Variants in PDGFD observed in about 807,000 individuals in gnomAD.
PDGFD encodes platelet derived growth factor D, also known as platelet-derived growth factor D.
PDGFD carries 30 observed loss-of-function variants against 44.7 expected under a neutral mutation model. The observed-to-expected ratio is 0.67, with a 90% confidence interval of 0.50 to 0.91. PDGFD has a LOEUF of 0.91. Ranked by LOEUF, PDGFD falls within the 40% of genes least tolerant of loss-of-function variation. The pLI, the probability that PDGFD is intolerant of heterozygous loss-of-function variation, is 0.00. For missense variants in PDGFD, 445 were observed against 457.8 expected (o/e 0.97, Z 0.25); for synonymous variants, 173 against 168.4 (o/e 1.03, Z -0.21).
chr11:103,918,107 G>T (rs1365064713), intron 6 of PDGFD, among the ~76,000 whole-genome samples: 1 of 152,204 alleles, frequency 6.6e-6, no homozygotes, highest in Non-Finnish European at 1.5e-5. Flanking sequence ...TCAGTACAAA[G>T]TTGGCAGGGG....
chr11:104,031,039 T>C (rs1377718707), intron 1 of PDGFD, among the ~76,000 whole-genome samples: 1 of 152,144 alleles, frequency 6.6e-6, no homozygotes, highest in Admixed American at 6.5e-5. Context: ...ATCAAAACCC[T>C]AGAAGAAAAT....
chr11:104,004,043 A>G (rs979532314), intron 1 of PDGFD, among the ~76,000 whole-genome samples: 1 of 152,250 alleles, frequency 6.6e-6, no homozygotes, highest in African/African-American at 2.4e-5. Flanking sequence ...AACAAAGTCA[A>G]TGATATCCTT....
intron 1 of PDGFD, among the ~76,000 whole-genome samples, chr11:104,101,121 G>T (rs56893568): frequency 1.3e-5 from 2 of 152,080 alleles, no homozygotes; most frequent in South Asian, 2.1e-4. Context: ...GCAGGAGAAG[G>T]AAATAAAGGG....
intron 3 of PDGFD, among the ~76,000 whole-genome samples, chr11:103,972,570 C>G (rs1213051277): frequency 6.6e-6 from 1 of 152,132 alleles, no homozygotes; most frequent in Admixed American, 6.5e-5. Context: ...GATTTTGAAG[C>G]TCAGTTTTGT....
chr11:104,113,638 C>A (rs983066980), intron 1 of PDGFD, among the ~76,000 whole-genome samples: 12 of 151,146 alleles, frequency 7.9e-5, no homozygotes. Flanking sequence ...AGAGTAAATA[C>A]CACTGAGCAG....
At chr11:104,077,843 A>AAAAC (rs1860986973) in intron 1 of PDGFD, among the ~76,000 whole-genome samples, 2 of 152,190 alleles carry the variant, frequency 1.3e-5, no homozygotes, top group Non-Finnish European at 2.9e-5. Context: ...CAGATTCTCC[A>AAAAC]ACAATAGTTT....
At chr11:103,974,306 G>A (rs1393247416) in intron 3 of PDGFD, among the ~76,000 whole-genome samples, 2 of 152,040 alleles carry the variant, frequency 1.3e-5, no homozygotes, top group Non-Finnish European at 2.9e-5. Context: ...TAACATTGGT[G>A]GAGCATCAAA....
chr11:104,045,783 G>T (rs191683720), intron 1 of PDGFD, among the ~76,000 whole-genome samples: 1 of 147,194 alleles, frequency 6.8e-6, no homozygotes, highest in Non-Finnish European at 1.5e-5. Context: ...AGGTCAAGAC[G>T]CAATGAACAG....
chr11:104,160,157 C>G (rs1052415031), intron 1 of PDGFD, among the ~76,000 whole-genome samples: 1 of 152,134 alleles, frequency 6.6e-6, no homozygotes, highest in African/African-American at 2.4e-5. Flanking sequence ...CATTAAGAAA[C>G]AAGCTTCACT....
chr11:104,158,749 C>T (rs1247751919), intron 1 of PDGFD, among the ~76,000 whole-genome samples: 2 of 151,992 alleles, frequency 1.3e-5, no homozygotes, highest in Non-Finnish European at 2.9e-5. Flanking sequence ...AGGAGAATGG[C>T]GTGAACCGGG....
intron 4 of PDGFD, among the ~76,000 whole-genome samples, chr11:103,945,257 T>C (rs1213695555): frequency 1.3e-5 from 2 of 152,180 alleles, no homozygotes; most frequent in African/African-American, 4.8e-5. Flanking sequence ...TTCTGATAGG[T>C]TGTCCCTTTA....
intron 6 of PDGFD, among the ~76,000 whole-genome samples, chr11:103,925,561 G>C (rs1254350269): frequency 6.6e-6 from 1 of 151,120 alleles, no homozygotes; most frequent in Non-Finnish European, 1.5e-5. Context: ...CAAAACTTTA[G>C]TGACTTGCAT....
intron 1 of PDGFD, among the ~76,000 whole-genome samples, chr11:104,086,379 A>T (rs1861131138): frequency 6.6e-6 from 1 of 152,204 alleles, no homozygotes; most frequent in Non-Finnish European, 1.5e-5. Flanking sequence ...ATTTAATGGG[A>T]CATACAAGTT....
chr11:104,058,222 GT>G lies in PDGFD; in HGVS notation c.125-57968del, dbSNP rs376207449. Among the ~76,000 whole-genome samples the G allele has an allele frequency of 7.6e-4, 115 of 152,300 alleles. 2 individuals are homozygous for G. The East Asian group carries it at 0.018, about 23-fold the overall frequency. ...AGAAACTGAAAAGTTAAACCTCTGA[GT>G]GGGAGAAATTATTTGCAAAACACGT... On this transcript the variant is annotated intron_variant, in intron 1 of 6. Coordinates refer to ENST00000393158, the MANE Select transcript of PDGFD (RefSeq NM_025208.5).
chr11:104,163,665 G>T, intron 1 of PDGFD, 139 bp downstream of exon 1: 1 of 1,049,892 alleles, frequency 9.5e-7, no homozygotes, highest in Non-Finnish European at 1.3e-6. Context: ...ATACAGGCAG[G>T]AGACCTCCCT....
Position 104,060,488 on chromosome 11 carries a change from G to A in PDGFD, c.125-60233C>T, listed in dbSNP as rs571797077. ...CTGTTTTCTCTCAGTGCAGGGGTTG[G>A]GAAGGGTTGAAAGGCTGCCCCTGGG... On this transcript the variant is annotated intron_variant, in intron 1 of 6. Transcript: ENST00000393158. Among the ~76,000 whole-genome samples, 5 of 152,268 alleles carry A rather than the reference G, an allele frequency of 3.3e-5. No individual in the cohort carries two copies. The East Asian group carries it at 9.7e-4, about 29-fold the overall frequency.
At chr11:103,957,153 T>C (rs2134333839) in intron 3 of PDGFD, among the ~76,000 whole-genome samples, 1 of 152,314 alleles carries the variant, frequency 6.6e-6, no homozygotes, top group Non-Finnish European at 1.5e-5. Context: ...TCCTGAATGG[T>C]AATGCCTAGG....
intron 1 of PDGFD, among the ~76,000 whole-genome samples, chr11:104,081,150 C>G (rs966581357): frequency 6.6e-6 from 1 of 151,886 alleles, no homozygotes; most frequent in African/African-American, 2.4e-5. Flanking sequence ...TCAGTAAATA[C>G]CAAATGAGAG....
intron 1 of PDGFD, among the ~76,000 whole-genome samples, chr11:104,042,729 C>A (rs1156504236): frequency 6.6e-6 from 1 of 152,094 alleles, no homozygotes. Context: ...AGACAATTAC[C>A]AAATAAGCAT....
Sources: gnomAD v4.1 joint callset for allele counts (sites outside exome capture counted in the v4.1 genomes callset) on GRCh38, gnomAD v4.1.1 for gene constraint, MANE v1.5 for transcripts, NCBI Gene and HGNC (gene_info 2026-07-23, HGNC 2026-07-21) for gene names.